KIAA0319: variants seen among roughly 807,000 people sequenced by gnomAD.
KIAA0319 encodes dyslexia-associated protein KIAA0319.
KIAA0319 carries 83 observed loss-of-function variants against 108.4 expected under a neutral mutation model. The observed-to-expected ratio is 0.77, with a 90% CI of 0.64 to 0.92. The LOEUF (loss-of-function observed/expected upper bound fraction) is 0.92. Ranked by LOEUF, KIAA0319 falls within the 40% of genes least tolerant of loss-of-function variation. The pLI is 0.00. For missense variants in KIAA0319, 1,195 were observed against 1,322.4 expected, an observed-to-expected ratio of 0.90 and a Z score of 1.49; for synonymous variants, 484 against 510.4, an observed-to-expected ratio of 0.95 and a Z score of 0.70.
At chr6:24,573,096 T>C (rs1194150134) in intron 10 of KIAA0319, among the ~76,000 whole-genome samples, 5 of 152,158 alleles carry the variant, frequency 3.3e-5, no homozygotes, top group Non-Finnish European at 5.9e-5. Flanking sequence ...CACTGCAGCC[T>C]GGTTGACAGA....
chr6:24,581,129 C>G, intron 6 of KIAA0319, 116 bp from the exon 7 acceptor site: 1 of 682,108 alleles, frequency 1.5e-6, no homozygotes, highest in South Asian at 1.6e-5. Flanking sequence ...AGAGAAGGGG[C>G]TCAGGAGACA....
At chr6:24,600,897 T>C (rs548826536) in intron 2 of KIAA0319, 152 bp downstream of exon 2, 2 of 1,006,166 alleles carry the variant, frequency 2.0e-6, no homozygotes, top group East Asian at 2.4e-5. Context: ...AAACCACTCA[T>C]GCATGAGGTC....
intron 20 of KIAA0319, 61 bp from the exon 21 acceptor site, chr6:24,547,404 C>T (rs1475080191): frequency 3.4e-6 from 5 of 1,474,866 alleles, no homozygotes; most frequent in Admixed American, 3.7e-5. Context: ...AGCTGTCAGT[C>T]GTTGTGGTTG....
At chr6:24,595,571 C>T (rs544720275) in intron 3 of KIAA0319, among the ~76,000 whole-genome samples, 72 of 78,184 alleles carry the variant, frequency 9.2e-4, no homozygotes, top group South Asian at 3.7e-3. Flanking sequence ...AAAAAAAAAA[C>T]GCTACAGGCA....
intron 10 of KIAA0319, among the ~76,000 whole-genome samples, chr6:24,576,042 G>T (rs1765443578): frequency 6.6e-6 from 1 of 152,118 alleles, no homozygotes; most frequent in Non-Finnish European, 1.5e-5. Flanking sequence ...TGATAATCAG[G>T]TTTAGATTAG....
intron 1 of KIAA0319, among the ~76,000 whole-genome samples, chr6:24,605,544 A>C (rs941566297): frequency 1.3e-5 from 2 of 152,214 alleles, no homozygotes; most frequent in African/African-American, 4.8e-5. Context: ...AAAGCCTGTC[A>C]AGCTCTTTAA....
At chr6:24,629,103 A>C (rs1411069382) in intron 1 of KIAA0319, among the ~76,000 whole-genome samples, 1 of 152,116 alleles carries the variant, frequency 6.6e-6, no homozygotes, top group African/African-American at 2.4e-5. Flanking sequence ...AGCAGACAGT[A>C]TTTTCTAAGT....
In KIAA0319 at chr6:24,545,478, C is replaced by T. The variant is rs1760514727; in HGVS notation, c.*1687G>A. ...ACATTTGCATGCAAACAACCATAAC[C>T]CTGGTCACCTGATAAGGCAGATTCT... On this transcript the variant is annotated 3_prime_UTR_variant, in exon 21 of 21. Transcript: ENST00000378214. 1 of 152,058 alleles carries T rather than the reference C, an allele frequency of 6.6e-6. No individual in the cohort carries two copies. Among genetic ancestry groups the T allele is most frequent in the Non-Finnish European group, 1.5e-5 (1 of 68,030 alleles). The allele number at this position is 152,058 out of a possible 1,614,324, so 9.4% of individuals were successfully genotyped here.
intron 1 of KIAA0319, among the ~76,000 whole-genome samples, chr6:24,644,229 C>A (rs1253204710): frequency 2.6e-5 from 3 of 115,890 alleles, no homozygotes; most frequent in African/African-American, 1.1e-4. Flanking sequence ...GATGGGATAG[C>A]TTCCTGGACA....
chr6:24,568,402 G>A (rs1237307455), intron 13 of KIAA0319, among the ~76,000 whole-genome samples: 1 of 152,190 alleles, frequency 6.6e-6, no homozygotes. Context: ...GTATTCACTA[G>A]TCTAGACCAC....
chr6:24,594,481 G>T (rs950199667), intron 3 of KIAA0319, among the ~76,000 whole-genome samples: 1 of 151,382 alleles, frequency 6.6e-6, no homozygotes, highest in African/African-American at 2.4e-5. Flanking sequence ...ACAAAAATTA[G>T]CCGGGCATGG....
chr6:24,634,110 C>T (rs929622799), intron 1 of KIAA0319, among the ~76,000 whole-genome samples: 1 of 152,178 alleles, frequency 6.6e-6, no homozygotes, highest in Admixed American at 6.5e-5. Context: ...TAAAAAGTAG[C>T]ATTCTCCAAA....
intron 20 of KIAA0319, among the ~76,000 whole-genome samples, chr6:24,548,291 T>G (rs1760927551): frequency 6.6e-6 from 1 of 152,066 alleles, no homozygotes; most frequent in South Asian, 2.1e-4. Flanking sequence ...TGGAATTTAT[T>G]GGTCAAAAAG....
intron 1 of KIAA0319, among the ~76,000 whole-genome samples, chr6:24,625,116 C>T (rs796878401): frequency 2.0e-5 from 3 of 152,270 alleles, no homozygotes; most frequent in African/African-American, 4.8e-5. Context: ...TACCCCATAA[C>T]TTCTGTTTTT....
chr6:24,553,290 T>C lies in KIAA0319; in HGVS notation c.2948+1251A>G, dbSNP rs1328701816. The stretch of plus-strand genomic sequence containing the variant: ...TGTGAGATAGATATATATATATATA[T>C]ATATACACACACACACACACACACA... On this transcript the variant is annotated intron_variant, in intron 19 of 20. Coordinates refer to ENST00000378214, the MANE Select transcript of KIAA0319 (RefSeq NM_014809.4). Among the ~76,000 whole-genome samples the C allele has an allele frequency of 7.9e-4, 64 of 80,644 alleles. 1 individual carries two copies. Among genetic ancestry groups the C allele is most frequent in the African/African-American group, 3.4e-3 (61 of 18,148 alleles). 52.9% of individuals were successfully genotyped at this position (80,644 alleles called of 152,430 possible). A position where few individuals can be genotyped will look rare whatever the true frequency, so the allele number is the denominator to read the frequency against.
At chr6:24,586,119 G>T (rs1461950829) in intron 4 of KIAA0319, among the ~76,000 whole-genome samples, 2 of 152,086 alleles carry the variant, frequency 1.3e-5, no homozygotes, top group African/African-American at 2.4e-5. Context: ...GCTGTACCCT[G>T]ACCACCTTGG....
chr6:24,577,047 T>C (rs533986688), intron 9 of KIAA0319, among the ~76,000 whole-genome samples: 8 of 152,226 alleles, frequency 5.3e-5, no homozygotes, highest in African/African-American at 1.9e-4. Flanking sequence ...AAAATAGAAA[T>C]TTAAGGATGA....
At chr6:24,565,730 G>T (rs1373798931) in intron 14 of KIAA0319, among the ~76,000 whole-genome samples, 2 of 140,896 alleles carry the variant, frequency 1.4e-5, no homozygotes, top group African/African-American at 2.8e-5. Flanking sequence ...TACAGCCTGG[G>T]CGATAGAGTG....
At chr6:24,628,338 C>T (rs1468304591) in intron 1 of KIAA0319, among the ~76,000 whole-genome samples, 1 of 152,096 alleles carries the variant, frequency 6.6e-6, no homozygotes, top group Non-Finnish European at 1.5e-5. Context: ...GTTTTCTAGC[C>T]TGTAAGTTCT....
Sources: allele counts gnomAD v4.1 joint callset (sites outside exome capture counted in the v4.1 genomes callset), GRCh38; gene constraint gnomAD v4.1.1; transcripts MANE v1.5; gene names NCBI Gene and HGNC (gene_info 2026-07-23, HGNC 2026-07-21).